ULK4: variants seen among roughly 807,000 people sequenced by gnomAD.
ULK4 encodes the protein inactive serine/threonine-protein kinase ULK4.
A neutral mutation model predicts 160.6 loss-of-function variants in ULK4; 133 were observed. The observed-to-expected ratio is 0.83, with a 90% CI of 0.72 to 0.96. ULK4 has a LOEUF of 0.96. ULK4 is among the 40% of genes least tolerant of loss of function. The pLI is 0.00. For synonymous variants in ULK4, 534 were observed against 539.8 expected (o/e 0.99, Z 0.15); for missense variants, 1,580 against 1,499.5 (o/e 1.05, Z -0.89).
intron 35 of ULK4, among the ~76,000 whole-genome samples, chr3:41,267,284 T>A (rs1035692374): frequency 7.9e-5 from 12 of 152,246 alleles, no homozygotes; most frequent in African/African-American, 2.6e-4. Flanking sequence ...TGTTCCTGTG[T>A]TAGTTTGCTG....
At chr3:41,647,659 G>C (rs1451250898) in intron 30 of ULK4, among the ~76,000 whole-genome samples, 1 of 152,252 alleles carries the variant, frequency 6.6e-6, no homozygotes, top group African/African-American at 2.4e-5. Flanking sequence ...GGACCCACTT[G>C]AGGAGGCAGT....
intron 34 of ULK4, among the ~76,000 whole-genome samples, chr3:41,409,324 G>C (rs944133636): frequency 5.3e-5 from 8 of 152,104 alleles, no homozygotes; most frequent in African/African-American, 1.9e-4. Context: ...CCTTAGGTTA[G>C]ACAATGCTTT....
chr3:41,944,409 C>G (rs1173226918), intron 2 of ULK4, among the ~76,000 whole-genome samples: 1 of 152,110 alleles, frequency 6.6e-6, no homozygotes, highest in Non-Finnish European at 1.5e-5. Flanking sequence ...CACTGTACTC[C>G]AGTCTGGGCT....
intron 35 of ULK4, among the ~76,000 whole-genome samples, chr3:41,310,801 T>C (rs2080033199): frequency 6.6e-6 from 1 of 152,014 alleles, no homozygotes; most frequent in South Asian, 2.1e-4. Flanking sequence ...GAGACCAACA[T>C]GGGCGACGTG....
intron 32 of ULK4, among the ~76,000 whole-genome samples, chr3:41,482,939 G>A (rs2084380622): frequency 6.6e-6 from 1 of 152,070 alleles, no homozygotes; most frequent in Non-Finnish European, 1.5e-5. Context: ...TTTGGTGCAG[G>A]CATCTGATGT....
intron 34 of ULK4, among the ~76,000 whole-genome samples, chr3:41,423,436 T>C (rs2082704082): frequency 6.6e-6 from 1 of 152,092 alleles, no homozygotes; most frequent in Admixed American, 6.5e-5. Context: ...CTTGCTACAA[T>C]CAATGGAAAA....
At position 41,635,461 on chromosome 3, in the gene ULK4, TTAA is replaced by T. The variant is rs746348705; in HGVS notation, c.3072-19747_3072-19745del. On this transcript the variant is annotated intron_variant, in intron 30 of 36. Coordinates refer to ENST00000301831, the MANE Select transcript of ULK4 (RefSeq NM_017886.4). The stretch of plus-strand genomic sequence containing the variant: ...ATAAATATATAGAAGCATAAATATA[TTAA>T]TGTTACATTTAGAAAAAATAGAAAA... 2.2e-4 allele frequency among the ~76,000 whole-genome samples: 33 copies of T among 152,058 alleles called. 1 individual carries two copies. The highest frequency in any genetic ancestry group is 3.2e-4 in the Non-Finnish European group (22 of 68,006).
chr3:41,592,013 G>C (rs1024774432), intron 31 of ULK4, among the ~76,000 whole-genome samples: 11 of 152,210 alleles, frequency 7.2e-5, no homozygotes, highest in African/African-American at 1.4e-4. Flanking sequence ...CTTGCATCCG[G>C]AACTTTTGTT....
chr3:41,333,766 C>G (rs909005360), intron 35 of ULK4, among the ~76,000 whole-genome samples: 4 of 152,014 alleles, frequency 2.6e-5, no homozygotes, highest in Non-Finnish European at 5.9e-5. Context: ...GAAAATAAAC[C>G]AATTTGGCAG....
At chr3:41,819,911 T>C (rs1004303022) in intron 18 of ULK4, among the ~76,000 whole-genome samples, 6 of 152,194 alleles carry the variant, frequency 3.9e-5, no homozygotes, top group African/African-American at 1.4e-4. Flanking sequence ...GTTTGAGTAA[T>C]ATCTCAGGAT....
At chr3:41,422,733 T>C (rs531075560) in intron 34 of ULK4, among the ~76,000 whole-genome samples, 128 of 152,276 alleles carry the variant, frequency 8.4e-4, no homozygotes, top group Non-Finnish European at 1.4e-3. Flanking sequence ...TTATACACTG[T>C]TTAATTAGAG....
At position 41,580,388 on chromosome 3, in the gene ULK4, T is replaced by TA. The variant is rs1559410744; in HGVS notation, c.3121-14259_3121-14258insT. ...AAACCAATTATTTATTTTTTTTTTTTTAAAAAAACCTGTTTGGGAGGCATA... is the reference window on the plus strand; with the variant it reads ...AAACCAATTATTTATTTTTTTTTTTTATAAAAAAACCTGTTTGGGAGGCATA... On this transcript the variant is annotated intron_variant, in intron 31 of 36. Transcript: ENST00000301831. Among the ~76,000 whole-genome samples the TA allele has an allele frequency of 1.8e-4, 27 of 151,506 alleles. 1 individual carries two copies. The highest frequency in any genetic ancestry group is 4.9e-4 in the African/African-American group (20 of 40,896).
chr3:41,291,681 C>T (rs1053761035), intron 35 of ULK4, among the ~76,000 whole-genome samples: 1 of 152,124 alleles, frequency 6.6e-6, no homozygotes, highest in Non-Finnish European at 1.5e-5. Flanking sequence ...AACTAATCTA[C>T]ACGAGTAAAC....
intron 22 of ULK4, 129 bp from the exon 23 acceptor site, chr3:41,717,990 C>G: frequency 8.9e-7 from 1 of 1,120,910 alleles, no homozygotes; most frequent in Non-Finnish European, 1.2e-6. Context: ...AGATTTGTAG[C>G]AACTTGTCGG....
intron 32 of ULK4, among the ~76,000 whole-genome samples, chr3:41,565,789 C>A (rs771160248): frequency 6.6e-6 from 1 of 152,106 alleles, no homozygotes; most frequent in African/African-American, 2.4e-5. Context: ...ATGATTACAC[C>A]TCTATTTCTT....
intron 21 of ULK4, among the ~76,000 whole-genome samples, chr3:41,759,829 G>C (rs1209410672): frequency 1.3e-5 from 2 of 152,082 alleles, no homozygotes; most frequent in Non-Finnish European, 2.9e-5. Flanking sequence ...CTATGATAAA[G>C]GTGCAAAGGC....
intron 32 of ULK4, among the ~76,000 whole-genome samples, chr3:41,495,885 T>C (rs1324503607): frequency 6.6e-6 from 1 of 151,830 alleles, no homozygotes; most frequent in African/African-American, 2.4e-5. Context: ...TGAGATACCA[T>C]CTCACACCAG....
chr3:41,363,021 T>C (rs2081179483), intron 35 of ULK4, among the ~76,000 whole-genome samples: 1 of 152,236 alleles, frequency 6.6e-6, no homozygotes. Context: ...CTCCAGCCTT[T>C]GTAATGGTAA....
chr3:41,720,015 T>C (rs2037396092), intron 22 of ULK4, among the ~76,000 whole-genome samples: 1 of 152,144 alleles, frequency 6.6e-6, no homozygotes, highest in Non-Finnish European at 1.5e-5. Context: ...TGCCAATAAA[T>C]TCATATGCAT....
Sources: allele counts gnomAD v4.1 joint callset (sites outside exome capture counted in the v4.1 genomes callset), GRCh38; gene constraint gnomAD v4.1.1; transcripts MANE v1.5; gene names NCBI Gene and HGNC (gene_info 2026-07-23, HGNC 2026-07-21).